Variants in GK5 observed in about 807,000 individuals in gnomAD.
GK5 encodes the protein glycerol kinase 5.
In GK5, 39 loss-of-function variants were observed where a neutral mutation model predicts 77.3. The ratio of observed to expected loss-of-function variants is 0.50; its 90% confidence interval spans 0.39 to 0.66. The LOEUF is 0.66. GK5 is among the 30% of genes least tolerant of loss of function. The probability of loss-of-function intolerance (pLI) is 0.00; values close to 1 mark genes in which losing one functional copy is unlikely to be tolerated. For synonymous variants in GK5, 211 were observed against 208.0 expected (o/e 1.01, Z -0.13); for missense variants, 487 against 633.8 (o/e 0.77, Z 2.49).
At chr3:142,181,178 T>C (rs915677407) in intron 11 of GK5, among the ~76,000 whole-genome samples, 1 of 152,244 alleles carries the variant, frequency 6.6e-6, no homozygotes, top group Non-Finnish European at 1.5e-5. Context: ...CAAATTGTTT[T>C]TACCAATTTG....
At chr3:142,207,138 T>C (rs939499693) in intron 3 of GK5, among the ~76,000 whole-genome samples, 12 of 152,128 alleles carry the variant, frequency 7.9e-5, no homozygotes, top group Non-Finnish European at 1.6e-4. Context: ...AGGTTTCACA[T>C]CACCAAGATT....
Position 142,164,663 on chromosome 3 carries a change from T to A in GK5, c.*959A>T, listed in dbSNP as rs2063454971. ...AACATCAAAAAGACGCAGGAACAAA[T>A]AAAATACCCCAATAAAGGCAATTCT... On this transcript the variant is annotated 3_prime_UTR_variant, in exon 16 of 16. Coordinates refer to ENST00000392993, the MANE Select transcript of GK5 (RefSeq NM_001039547.3). The A allele has an allele frequency of 6.6e-6, 1 of 152,100 alleles. No homozygotes were observed. Among genetic ancestry groups the A allele is most frequent in the South Asian group, 2.1e-4 (1 of 4,826 alleles). The allele number at this position is 152,100 out of a possible 1,614,324, so 9.4% of individuals were successfully genotyped here.
In GK5 at chr3:142,157,653, A is replaced by C. The variant is rs2063392628; in HGVS notation, c.*7969T>G. On this transcript the variant is annotated 3_prime_UTR_variant, in exon 16 of 16. Transcript: ENST00000392993. ...ACATCTGCTAGGCTAATTCCATCAT[A>C]TTAGTATATGAAATTATCTTTTCTC... The C allele has an allele frequency of 6.6e-6, 1 of 152,246 alleles. No homozygotes were observed. The highest frequency in any genetic ancestry group is 6.5e-5 in the Admixed American group (1 of 15,278). 9.4% of individuals were successfully genotyped at this position (152,246 alleles called of 1,614,324 possible).
At chr3:142,194,305 C>A (rs2063899769) in intron 5 of GK5, among the ~76,000 whole-genome samples, 2 of 152,046 alleles carry the variant, frequency 1.3e-5, no homozygotes, top group Admixed American at 1.3e-4. Context: ...GCGGGCAGAT[C>A]ACTTAATGTC....
At chr3:142,199,474 C>T (rs776653055) in intron 4 of GK5, among the ~76,000 whole-genome samples, 5 of 152,110 alleles carry the variant, frequency 3.3e-5, no homozygotes, top group Non-Finnish European at 7.4e-5. Context: ...AATCTTATAT[C>T]TTAGCTTCAA....
rs997896852 is a variant in GK5, at chr3:142,225,316, A to C, written c.140T>G (p.Val47Gly). 4.5e-6 allele frequency: 7 copies of C among 1,541,846 alleles called. No individual in the cohort carries two copies. In the African/African-American group the frequency reaches 9.8e-5, roughly 22 times the overall value. Residue 47 changes from valine (V) to glycine (G), a missense_variant, in exon 1 of 16, where the codon GTG (valine) becomes GGG (glycine). By Grantham distance (109) the Val-to-Gly change is moderately radical. Transcript: ENST00000392993. Reference sequence around the variant, plus strand: ...CGCCCGCCCCCAAGTCACCTTCTGCACGCTGGAGCCGCAGACCCGCGCCGC... The same window carrying C: ...CGCCCGCCCCCAAGTCACCTTCTGCCCGCTGGAGCCGCAGACCCGCGCCGC... Reference protein sequence around the residue: ...DRAARVCGSSVQKVENLYPQI... With the variant: ...DRAARVCGSSGQKVENLYPQI...
In GK5 at chr3:142,180,153, G is replaced by A. The variant is rs187374756; in HGVS notation, c.1048+1308C>T. On this transcript the variant is annotated intron_variant, in intron 11 of 15. Transcript: ENST00000392993. ...GCTAAGAGTATGGGGGGAAATCCCTGTTGCTTGCTTCTTCCCGTGCGCCCA... is the reference window on the plus strand; with the variant it reads ...GCTAAGAGTATGGGGGGAAATCCCTATTGCTTGCTTCTTCCCGTGCGCCCA... 2.6e-5 allele frequency among the ~76,000 whole-genome samples: 4 copies of A among 152,278 alleles called. No homozygotes were observed. In the East Asian group the frequency reaches 7.7e-4, roughly 29 times the overall value.
intron 5 of GK5, among the ~76,000 whole-genome samples, chr3:142,194,907 C>T (rs2063911308): frequency 6.6e-6 from 1 of 150,914 alleles, no homozygotes; most frequent in South Asian, 2.1e-4. Context: ...ACCTCCCATA[C>T]AATGTTAATT....
At chr3:142,175,281 C>T (rs1303805075) in intron 12 of GK5, among the ~76,000 whole-genome samples, 6 of 152,052 alleles carry the variant, frequency 3.9e-5, no homozygotes, top group Non-Finnish European at 5.9e-5. Context: ...TAACTGATGC[C>T]ACCCCCAGTG....
rs2063433405 is a variant in GK5 at position 142,162,529 on chromosome 3, T to TTAG, written c.*3090_*3092dup. On this transcript the variant is annotated 3_prime_UTR_variant, in exon 16 of 16. Coordinates refer to ENST00000392993, the MANE Select transcript of GK5 (RefSeq NM_001039547.3). ...CAGTATGTCTATAGTATAAAAGCAA[T>TTAG]TAGTAGCACTTTAAGATAGATTGAA... The TTAG allele has an allele frequency of 6.6e-6, 1 of 152,214 alleles. No homozygotes were observed. Among genetic ancestry groups the TTAG allele is most frequent in the South Asian group, 2.1e-4 (1 of 4,832 alleles). The allele number at this position is 152,214 out of a possible 1,614,324, so 9.4% of individuals were successfully genotyped here.
chr3:142,176,081 C>T (rs917557518), intron 12 of GK5, among the ~76,000 whole-genome samples: 28 of 151,922 alleles, frequency 1.8e-4, no homozygotes, highest in African/African-American at 5.8e-4. Context: ...ATGATAGGTG[C>T]TATTTAGAGG....
At chr3:142,187,822 T>C in intron 5 of GK5, 43 bp from the exon 6 acceptor site, 5 of 1,408,766 alleles carry the variant, frequency 3.5e-6, no homozygotes, top group Non-Finnish European at 5.0e-6. Flanking sequence ...AAAGGCTAAA[T>C]TACTAAGTGC....
chr3:142,219,178 C>T (rs2064311399), intron 1 of GK5, among the ~76,000 whole-genome samples: 1 of 152,158 alleles, frequency 6.6e-6, no homozygotes, highest in African/African-American at 2.4e-5. Flanking sequence ...ACCATATAAC[C>T]TAGCAATCCC....
At chr3:142,190,396 A>G (rs2063832288) in intron 5 of GK5, among the ~76,000 whole-genome samples, 1 of 152,132 alleles carries the variant, frequency 6.6e-6, no homozygotes, top group Non-Finnish European at 1.5e-5. Context: ...AAAATCAACA[A>G]CTCTCCTTAG....
intron 15 of GK5, 73 bp from the exon 16 acceptor site, chr3:142,165,843 A>C: frequency 1.0e-6 from 1 of 968,216 alleles, no homozygotes; most frequent in South Asian, 2.0e-5. Flanking sequence ...AAAAACCTAT[A>C]CGAGTTGCTG....
At chr3:142,183,294 GTTGTT>G (rs747850142) in intron 9 of GK5, 30 of 303,564 alleles carry the variant, frequency 9.9e-5, no homozygotes, top group South Asian at 7.8e-5. Context: ...TTGGTTTGTT[GTTGTT>G]TTGTTTTGTT....
intron 12 of GK5, 137 bp downstream of exon 12, chr3:142,177,345 A>G: frequency 1.7e-6 from 1 of 598,458 alleles, no homozygotes; most frequent in Non-Finnish European, 3.0e-6. Context: ...ATAACTTCTC[A>G]GCCCTAAAAT....
intron 4 of GK5, among the ~76,000 whole-genome samples, chr3:142,199,164 AT>A (rs1313211345): frequency 2.6e-5 from 4 of 152,168 alleles, no homozygotes; most frequent in Non-Finnish European, 5.9e-5. Context: ...CAAATACCAG[AT>A]GCTCAGGTAC....
intron 7 of GK5, 48 bp downstream of exon 7, chr3:142,186,404 T>C (rs766720936): frequency 1.8e-6 from 2 of 1,127,502 alleles, no homozygotes; most frequent in African/African-American, 1.6e-5. Flanking sequence ...AATCTATCTA[T>C]ATTACACAAA....
Sources: allele counts gnomAD v4.1 joint callset (sites outside exome capture counted in the v4.1 genomes callset), GRCh38; gene constraint gnomAD v4.1.1; transcripts MANE v1.5; gene names NCBI Gene and HGNC (gene_info 2026-07-23, HGNC 2026-07-21).